Variants in PKP4 observed in about 807,000 individuals in gnomAD.
PKP4 encodes the protein plakophilin 4, also known as plakophilin-4.
Under a neutral mutation model 145.1 loss-of-function variants are expected in PKP4, and 90 were observed. The ratio of observed to expected loss-of-function variants is 0.62; its 90% CI spans 0.52 to 0.74. The LOEUF (loss-of-function observed/expected upper bound fraction) is 0.74, where lower values mean the gene tolerates loss of function less well. PKP4 is among the 30% of genes least tolerant of loss of function. The probability of loss-of-function intolerance (pLI) is 0.00; values close to 1 mark genes in which losing one functional copy is unlikely to be tolerated. For synonymous variants in PKP4, 563 were observed against 577.2 expected (o/e 0.98, Z 0.35); for missense variants, 1,340 against 1,482.7 (o/e 0.90, Z 1.58).
At chr2:158,594,032 G>C (rs1156794303) in intron 3 of PKP4, among the ~76,000 whole-genome samples, 1 of 152,168 alleles carries the variant, frequency 6.6e-6, no homozygotes, top group Non-Finnish European at 1.5e-5. Flanking sequence ...TTCAGGTAAA[G>C]TGTCACTGAG....
intron 1 of PKP4, among the ~76,000 whole-genome samples, chr2:158,463,950 C>T (rs1690188274): frequency 2.0e-5 from 3 of 152,158 alleles, no homozygotes; most frequent in Non-Finnish European, 4.4e-5. Flanking sequence ...GGGGCAGGAG[C>T]TGAGCAGTGA....
intron 2 of PKP4, among the ~76,000 whole-genome samples, chr2:158,551,093 A>G (rs920881091): frequency 6.6e-6 from 1 of 152,046 alleles, no homozygotes; most frequent in Non-Finnish European, 1.5e-5. Flanking sequence ...TTAAGTATTA[A>G]TTATTATTCT....
At chr2:158,554,743 A>G (rs959834117) in intron 2 of PKP4, among the ~76,000 whole-genome samples, 1 of 152,170 alleles carries the variant, frequency 6.6e-6, no homozygotes, top group African/African-American at 2.4e-5. Flanking sequence ...TTCTTCATCA[A>G]AAATTGCTAT....
intron 4 of PKP4, among the ~76,000 whole-genome samples, chr2:158,616,487 C>G (rs1469422290): frequency 5.1e-5 from 1 of 19,588 alleles, no homozygotes; most frequent in Non-Finnish European, 9.1e-5. Context: ...CTCATTTTTT[C>G]CACAAAATGT....
At chr2:158,649,415 C>T (rs1457361744) in intron 11 of PKP4, among the ~76,000 whole-genome samples, 5 of 152,102 alleles carry the variant, frequency 3.3e-5, no homozygotes, top group Non-Finnish European at 5.9e-5. Flanking sequence ...GAAAAAAAGC[C>T]CCACAATAAA....
At chr2:158,673,508 A>T (rs961551719) in intron 17 of PKP4, among the ~76,000 whole-genome samples, 169 bp from the exon 18 acceptor site, 1 of 152,180 alleles carries the variant, frequency 6.6e-6, no homozygotes, top group Non-Finnish European at 1.5e-5. Context: ...TCCGAACCTG[A>T]TCGACTCCCA....
At chr2:158,544,364 A>G (rs904137903) in intron 2 of PKP4, among the ~76,000 whole-genome samples, 5 of 152,212 alleles carry the variant, frequency 3.3e-5, no homozygotes, top group African/African-American at 1.2e-4. Context: ...GATATCCTTA[A>G]GTCAGCAAAG....
rs1378163857 is a variant in PKP4, at chr2:158,600,223, A to C, written c.246-2847A>C. Among the ~76,000 whole-genome samples, 3 of 152,246 alleles carry C rather than the reference A, an allele frequency of 2.0e-5. No homozygotes were observed. In the East Asian group the frequency reaches 5.8e-4, roughly 29 times the overall value. On this transcript the variant is annotated intron_variant, in intron 3 of 21. Transcript: ENST00000389759. ...TAGTGGATTTCATTCTAAATGATTA[A>C]GTTATTAACGTATTAAATTATGAAT...
At chr2:158,495,149 C>T (rs1574097282) in intron 1 of PKP4, among the ~76,000 whole-genome samples, 1 of 151,738 alleles carries the variant, frequency 6.6e-6, no homozygotes. Context: ...ACCCAGGAGG[C>T]GGAGGTTGCA....
At chr2:158,526,571 G>A (rs1002600073) in intron 1 of PKP4, among the ~76,000 whole-genome samples, 5 of 81,512 alleles carry the variant, frequency 6.1e-5, no homozygotes, top group Non-Finnish European at 1.2e-4. Flanking sequence ...TTGAAAACTG[G>A]CACAAGACAG....
intron 7 of PKP4, among the ~76,000 whole-genome samples, chr2:158,631,359 C>G (rs1420371764): frequency 6.6e-6 from 1 of 151,846 alleles, no homozygotes; most frequent in Non-Finnish European, 1.5e-5. Context: ...TTAGGATTTT[C>G]TTAGTATATA....
intron 1 of PKP4, among the ~76,000 whole-genome samples, chr2:158,475,096 C>T (rs1692243930): frequency 1.3e-5 from 2 of 151,988 alleles, no homozygotes; most frequent in Admixed American, 6.6e-5. Context: ...CATGAATTAG[C>T]GATTGTGTTG....
chr2:158,639,312 C>T (rs13013660), intron 9 of PKP4, among the ~76,000 whole-genome samples: 101,892 of 150,478 alleles, frequency 0.68, 36,745 homozygotes, highest in East Asian at 0.92. Context: ...ACTAACTGAA[C>T]GCATGAGGGG....
Position 158,511,438 on chromosome 2 carries a change from G to T in PKP4, c.-5-21742G>T, listed in dbSNP as rs370509312. Among the ~76,000 whole-genome samples, 52 of 151,956 alleles carry T rather than the reference G, an allele frequency of 3.4e-4. 1 individual carries two copies. In the East Asian group the frequency reaches 9.1e-3, roughly 27 times the overall value. ...TTATTTTCTGTACATAGTGTATTATGTATCAAAAGTGTGATTTTGGTTAAA... is the reference window on the plus strand; with the variant it reads ...TTATTTTCTGTACATAGTGTATTATTTATCAAAAGTGTGATTTTGGTTAAA... On this transcript the variant is annotated intron_variant, in intron 1 of 21. Transcript: ENST00000389759.
chr2:158,635,274 G>A (rs948254041), intron 9 of PKP4, among the ~76,000 whole-genome samples: 3 of 152,088 alleles, frequency 2.0e-5, no homozygotes, highest in African/African-American at 2.4e-5. Flanking sequence ...CACTAAAACC[G>A]CTTCACTTAT....
At chr2:158,645,087 A>T (rs1252346452) in intron 11 of PKP4, among the ~76,000 whole-genome samples, 1 of 152,208 alleles carries the variant, frequency 6.6e-6, no homozygotes, top group East Asian at 1.9e-4. Flanking sequence ...TACAACATTA[A>T]TATTCCCTTG....
chr2:158,477,730 C>A (rs1259709037), intron 1 of PKP4, among the ~76,000 whole-genome samples: 1 of 152,232 alleles, frequency 6.6e-6, no homozygotes, highest in Non-Finnish European at 1.5e-5. Flanking sequence ...CTGTAATCAA[C>A]GCTACTTGGG....
chr2:158,499,051 T>TAAAATACCC, intron 1 of PKP4, among the ~76,000 whole-genome samples: 1 of 152,180 alleles, frequency 6.6e-6, no homozygotes, highest in East Asian at 1.9e-4. Context: ...GGAAGAACGG[T>TAAAATACCC]AAAATACCCT....
intron 2 of PKP4, among the ~76,000 whole-genome samples, chr2:158,575,019 AG>A (rs1416200474): frequency 6.6e-6 from 1 of 152,256 alleles, no homozygotes; most frequent in Non-Finnish European, 1.5e-5. Context: ...TAAGCAGAAA[AG>A]GAATTCATTA....
Sources: gnomAD v4.1 joint callset for allele counts (sites outside exome capture counted in the v4.1 genomes callset) on GRCh38, gnomAD v4.1.1 for gene constraint, MANE v1.5 for transcripts, NCBI Gene and HGNC (gene_info 2026-07-23, HGNC 2026-07-21) for gene names.